The following OR6N1 variants were observed in gnomAD, a reference collection of about 807,000 sequenced individuals.
OR6N1 encodes the protein olfactory receptor 6N1.
For synonymous variants in OR6N1, 170 were observed against 150.7 expected (o/e 1.13, Z -0.94); for missense variants, 394 against 371.7 (o/e 1.06, Z -0.49).
chr1:158,777,073 G>A, upstream of OR6N1: 1 of 1,614,088 alleles, frequency 6.2e-7, no homozygotes, highest in Non-Finnish European at 8.5e-7. Context: ...GTCCTTGCAG[G>A]CCAAGCTCAG....
chr1:158,768,261 G>A (rs917608458), intron 1 of OR6N1, among the ~76,000 whole-genome samples: 2 of 151,812 alleles, frequency 1.3e-5, no homozygotes, highest in African/African-American at 4.8e-5. Flanking sequence ...TATCTCAGGC[G>A]ATATTTTTCT....
chr1:158,775,725 T>A (rs1558035077), upstream of OR6N1: 1 of 151,794 alleles, frequency 6.6e-6, no homozygotes, highest in African/African-American at 2.4e-5. Flanking sequence ...ATAAATTGAT[T>A]TAAGAATATA....
chr1:158,784,409 T>A, the OR6N1 span, among the ~76,000 whole-genome samples: 1 of 152,202 alleles, frequency 6.6e-6, no homozygotes, highest in Non-Finnish European at 1.5e-5. Context: ...ATTTGTAACA[T>A]TTCTTTATGG....
the OR6N1 span, among the ~76,000 whole-genome samples, chr1:158,794,244 C>T: frequency 2.0e-5 from 3 of 152,178 alleles, no homozygotes; most frequent in African/African-American, 2.4e-5. Context: ...TCTTCACAAG[C>T]GTCAGGGCTG....
chr1:158,784,651 A>G, the OR6N1 span, among the ~76,000 whole-genome samples: 59 of 152,256 alleles, frequency 3.9e-4, no homozygotes, highest in African/African-American at 1.4e-3. Context: ...TAGATTTCAC[A>G]TACGAATAAT....
chr1:158,818,781 T>G, the OR6N1 span, among the ~76,000 whole-genome samples: 6 of 152,202 alleles, frequency 3.9e-5, no homozygotes, highest in African/African-American at 1.4e-4. Flanking sequence ...GTCTAGATTT[T>G]TTGCTTCCTC....
chr1:158,770,782 A>C (rs772706646), intron 1 of OR6N1, among the ~76,000 whole-genome samples: 1 of 152,192 alleles, frequency 6.6e-6, no homozygotes, highest in Non-Finnish European at 1.5e-5. Flanking sequence ...TCTCACTCAT[A>C]AAGGAATCCA....
chr1:158,776,613 T>C (rs889764249), upstream of OR6N1: 2 of 826,722 alleles, frequency 2.4e-6, no homozygotes, highest in Non-Finnish European at 3.9e-6. Context: ...GCATGTGTGA[T>C]GATGGGAAGA....
the OR6N1 span, chr1:158,777,211 G>A: frequency 6.2e-7 from 1 of 1,614,098 alleles, no homozygotes. Flanking sequence ...AGCCATCTTG[G>A]CACAGAGTGT....
the OR6N1 span, among the ~76,000 whole-genome samples, chr1:158,785,974 A>C: frequency 6.6e-6 from 1 of 152,092 alleles, no homozygotes; most frequent in East Asian, 1.9e-4. Context: ...AAGACCCCCA[A>C]AAGCAAATGC....
At chr1:158,781,291 G>C in the OR6N1 span, 1 of 152,302 alleles carries the variant, frequency 6.6e-6, no homozygotes, top group African/African-American at 2.4e-5. Flanking sequence ...TCCTGAGGCA[G>C]AGTCCCCAGA....
the OR6N1 span, among the ~76,000 whole-genome samples, chr1:158,837,237 G>A: frequency 1.3e-5 from 2 of 151,340 alleles, no homozygotes; most frequent in African/African-American, 4.9e-5. Context: ...GGTCTATAAT[G>A]TTTTTCAATA....
the OR6N1 span, among the ~76,000 whole-genome samples, chr1:158,807,436 T>C: frequency 6.6e-6 from 1 of 152,288 alleles, no homozygotes; most frequent in East Asian, 1.9e-4. Context: ...GACCATACTC[T>C]AGCAGGTACT....
At chr1:158,790,622 T>C in the OR6N1 span, among the ~76,000 whole-genome samples, 76 of 152,278 alleles carry the variant, frequency 5.0e-4, no homozygotes, top group African/African-American at 1.3e-3. Flanking sequence ...GCCAGGATGG[T>C]CTCGATCTCC....
the OR6N1 span, among the ~76,000 whole-genome samples, chr1:158,784,313 A>G: frequency 6.6e-6 from 1 of 152,202 alleles, no homozygotes; most frequent in African/African-American, 2.4e-5. Context: ...AATTGTACAT[A>G]TTTATAGGGT....
upstream of OR6N1, chr1:158,774,258 A>C (rs1209901460): frequency 2.6e-5 from 4 of 152,252 alleles, no homozygotes; most frequent in African/African-American, 9.6e-5. Context: ...AAAATATATG[A>C]TAAAATAGTG....
the OR6N1 span, among the ~76,000 whole-genome samples, chr1:158,811,802 C>A: frequency 1.3e-5 from 2 of 152,204 alleles, no homozygotes; most frequent in Admixed American, 1.3e-4. Flanking sequence ...TGAGTCTCTT[C>A]ATACCAACCT....
chr1:158,772,813 A>C (rs561995340), upstream of OR6N1, among the ~76,000 whole-genome samples: 160 of 152,308 alleles, frequency 1.1e-3, no homozygotes, highest in African/African-American at 3.6e-3. Context: ...CATGGTTGGC[A>C]ATATTGCCAG....
chr1:158,814,174 A>G, the OR6N1 span, among the ~76,000 whole-genome samples: 1 of 152,192 alleles, frequency 6.6e-6, no homozygotes, highest in Non-Finnish European at 1.5e-5. Context: ...ATGATCAACT[A>G]TATGAACATC....
Sources: allele counts gnomAD v4.1 joint callset (sites outside exome capture counted in the v4.1 genomes callset), GRCh38; gene constraint gnomAD v4.1.1; transcripts MANE v1.5; gene names NCBI Gene and HGNC (gene_info 2026-07-23, HGNC 2026-07-21).